The following KHDC1 variants were observed in gnomAD, a reference collection of about 807,000 sequenced individuals.
KHDC1 encodes the protein KH homology domain-containing protein 1.
A neutral mutation model predicts 24.7 loss-of-function variants in KHDC1; 21 were observed. The ratio of observed to expected loss-of-function variants is 0.85; its 90% confidence interval spans 0.60 to 1.23. The LOEUF (loss-of-function observed/expected upper bound fraction) is 1.23. Among genes scored for constraint, KHDC1 ranks in the 50% most tolerant of loss-of-function variants. The pLI, the probability that KHDC1 is intolerant of heterozygous loss-of-function variation, is 0.00. For synonymous variants in KHDC1, 98 were observed against 111.7 expected (o/e 0.88, Z 0.77); for missense variants, 274 against 298.5 (o/e 0.92, Z 0.61).
chr6:73,285,651 T>C (rs77485435), intron 2 of KHDC1, among the ~76,000 whole-genome samples: 1 of 106,172 alleles, frequency 9.4e-6, no homozygotes, highest in African/African-American at 4.7e-5. Context: ...TTTTTTTTCT[T>C]TTTTTTTTTT....
chr6:73,269,257 C>T (rs1233432402), intron 2 of KHDC1: 2 of 152,562 alleles, frequency 1.3e-5, no homozygotes, highest in Non-Finnish European at 2.9e-5. Flanking sequence ...GCCTCTCCCT[C>T]CACACCTCCC....
At chr6:73,263,921 G>A (rs1767033091) in intron 2 of KHDC1, among the ~76,000 whole-genome samples, 1 of 152,180 alleles carries the variant, frequency 6.6e-6, no homozygotes, top group African/African-American at 2.4e-5. Context: ...AGGTCGGGCT[G>A]GGCACAGTGG....
intron 2 of KHDC1, among the ~76,000 whole-genome samples, chr6:73,261,490 C>A (rs1028391600): frequency 1.3e-5 from 2 of 151,850 alleles, no homozygotes; most frequent in African/African-American, 4.8e-5. Flanking sequence ...GACTCTAGGA[C>A]CAGGCACAGT....
At position 73,267,014 on chromosome 6, in the gene KHDC1, C is replaced by T. The variant is rs148505209; in HGVS notation, c.207-24484G>A. Among the ~76,000 whole-genome samples, 537 of 152,064 alleles carry T rather than the reference C, an allele frequency of 3.5e-3. 3 individuals carry two copies. The highest frequency in any genetic ancestry group is 4.6e-3 in the Non-Finnish European group (314 of 67,986). On this transcript the variant is annotated intron_variant, in intron 2 of 4. Transcript: ENST00000370384. The stretch of plus-strand genomic sequence containing the variant: ...ACCAGCGTGGGCAACATTGCAAGGC[C>T]CTATCTCAAACAATAAATTATAAGC...
At chr6:73,282,048 T>A (rs1767423126) in intron 2 of KHDC1, among the ~76,000 whole-genome samples, 1 of 151,626 alleles carries the variant, frequency 6.6e-6, no homozygotes, top group Non-Finnish European at 1.5e-5. Flanking sequence ...TGGAACCCCA[T>A]CTCCACTAAA....
chr6:73,246,986 GT>G (rs1246626790), intron 2 of KHDC1, among the ~76,000 whole-genome samples: 3 of 147,406 alleles, frequency 2.0e-5, no homozygotes, highest in Admixed American at 6.7e-5. Flanking sequence ...TTTTTTTTCT[GT>G]TTTTTTTGAG....
At chr6:73,298,666 C>T (rs1767808467) in intron 1 of KHDC1, among the ~76,000 whole-genome samples, 1 of 151,800 alleles carries the variant, frequency 6.6e-6, no homozygotes, top group African/African-American at 2.4e-5. Flanking sequence ...CACCTGACCT[C>T]AGGTGACCCA....
chr6:73,274,290 G>A (rs183447646), intron 2 of KHDC1: 31 of 152,292 alleles, frequency 2.0e-4, no homozygotes, highest in Admixed American at 8.5e-4. Context: ...CAATTGCCTG[G>A]ACTCTCATCC....
At chr6:73,288,519 G>A (rs1419290713) in intron 2 of KHDC1, among the ~76,000 whole-genome samples, 1 of 152,104 alleles carries the variant, frequency 6.6e-6, no homozygotes, top group African/African-American at 2.4e-5. Flanking sequence ...TACTCAGGAG[G>A]CTGAGGCAGG....
chr6:73,294,852 C>T (rs1043343809), intron 1 of KHDC1, among the ~76,000 whole-genome samples: 2 of 152,084 alleles, frequency 1.3e-5, no homozygotes, highest in African/African-American at 4.8e-5. Context: ...AGTGAGTTCT[C>T]ATGGTGTCTG....
At chr6:73,302,842 C>T (rs984928403) in intron 1 of KHDC1, among the ~76,000 whole-genome samples, 3 of 152,090 alleles carry the variant, frequency 2.0e-5, no homozygotes, top group Non-Finnish European at 4.4e-5. Flanking sequence ...TTTGGGAGGC[C>T]GAGGTGTGCC....
intron 2 of KHDC1, among the ~76,000 whole-genome samples, chr6:73,285,647 T>C (rs13205139): frequency 2.9e-4 from 41 of 143,118 alleles, no homozygotes; most frequent in Non-Finnish European, 4.2e-4. Flanking sequence ...TTTCTTTTTT[T>C]TCTTTTTTTT....
chr6:73,281,043 TA>T (rs140356808), intron 2 of KHDC1, among the ~76,000 whole-genome samples: 35,528 of 151,578 alleles, frequency 0.23, 4,811 homozygotes, highest in African/African-American at 0.37. Context: ...ACCCTGTCTC[TA>T]CTAAAAATAC....
intron 2 of KHDC1, chr6:73,274,139 G>A (rs1050973798): frequency 3.3e-5 from 5 of 152,060 alleles, no homozygotes; most frequent in Non-Finnish European, 5.9e-5. Context: ...GCCACTACAT[G>A]TTATAACATT....
chr6:73,279,495 C>T (rs1016942523), intron 2 of KHDC1, among the ~76,000 whole-genome samples: 19 of 151,434 alleles, frequency 1.3e-4, no homozygotes, highest in African/African-American at 3.4e-4. Context: ...GAAAAGTCTG[C>T]GAAAATTGCA....
At chr6:73,248,360 C>G (rs1472101410) in intron 2 of KHDC1, among the ~76,000 whole-genome samples, 3 of 151,438 alleles carry the variant, frequency 2.0e-5, no homozygotes, top group Non-Finnish European at 4.4e-5. Flanking sequence ...CCACTTCTCT[C>G]TCTGTCTCTC....
chr6:73,293,169 C>A, intron 1 of KHDC1: 2 of 736,492 alleles, frequency 2.7e-6, no homozygotes, highest in Non-Finnish European at 5.0e-6. Context: ...AGACCAAAAG[C>A]CTTTCTTTTA....
At chr6:73,250,747 G>C (rs937832775) in intron 2 of KHDC1, among the ~76,000 whole-genome samples, 3 of 152,228 alleles carry the variant, frequency 2.0e-5, no homozygotes, top group African/African-American at 7.2e-5. Flanking sequence ...AGGTAGCAAT[G>C]TTTTATCACA....
chr6:73,283,339 T>TAAAAA (rs59943075), intron 2 of KHDC1, among the ~76,000 whole-genome samples: 22 of 151,696 alleles, frequency 1.5e-4, no homozygotes, highest in Non-Finnish European at 1.6e-4. Flanking sequence ...TTTTTTTTTT[T>TAAAAA]AAAAAGAAGC....
Sources: gnomAD v4.1 joint callset for allele counts (sites outside exome capture counted in the v4.1 genomes callset) on GRCh38, gnomAD v4.1.1 for gene constraint, MANE v1.5 for transcripts, NCBI Gene and HGNC (gene_info 2026-07-23, HGNC 2026-07-21) for gene names.